Variants in SLC4A8 observed in about 807,000 individuals in gnomAD.
SLC4A8 encodes electroneutral sodium bicarbonate exchanger 1.
SLC4A8 carries 40 observed loss-of-function variants against 125.0 expected under a neutral mutation model. The observed-to-expected ratio is 0.32, with a 90% CI of 0.25 to 0.42. SLC4A8 has a LOEUF of 0.42. Ranked by LOEUF, SLC4A8 falls within the 10% of genes least tolerant of loss-of-function variation. The pLI, the probability that SLC4A8 is intolerant of heterozygous loss-of-function variation, is 1.00. For missense variants in SLC4A8, 863 were observed against 1,355.1 expected, an observed-to-expected ratio of 0.64 and a Z score of 5.70; for synonymous variants, 456 against 476.0, an observed-to-expected ratio of 0.96 and a Z score of 0.55.
intron 2 of SLC4A8, among the ~76,000 whole-genome samples, chr12:51,442,869 G>A (rs1371063935): frequency 6.6e-6 from 1 of 152,082 alleles, no homozygotes; most frequent in Admixed American, 6.6e-5. Flanking sequence ...GCTGTACTCA[G>A]GGTAGTGTTA....
chr12:51,471,575 C>T (rs756658884), intron 14 of SLC4A8, 43 bp downstream of exon 14: 1 of 1,591,272 alleles, frequency 6.3e-7, no homozygotes, highest in East Asian at 2.2e-5. Flanking sequence ...GAGCAAAGGG[C>T]CTGAGTTTAA....
At chr12:51,493,568 A>C in intron 19 of SLC4A8, 136 bp from the exon 20 acceptor site, 1 of 636,560 alleles carries the variant, frequency 1.6e-6, no homozygotes. Flanking sequence ...ACCCACAGGC[A>C]GCAGAAACTA....
At chr12:51,469,552 CT>C (rs1950629992) in intron 11 of SLC4A8, 61 bp from the exon 12 acceptor site, 1 of 1,438,630 alleles carries the variant, frequency 7.0e-7, no homozygotes, top group Non-Finnish European at 9.7e-7. Flanking sequence ...CAAATGTGTG[CT>C]GTTTACATGC....
chr12:51,430,583 A>G (rs4761813), intron 1 of SLC4A8, among the ~76,000 whole-genome samples: 140,683 of 151,936 alleles, frequency 0.93, 65,193 homozygotes, highest in Non-Finnish European at 0.95. Flanking sequence ...GATCTGCTAG[A>G]GAGCTTCAGT....
At chr12:51,392,481 G>C (rs965695230) in intron 1 of SLC4A8, among the ~76,000 whole-genome samples, 1 of 149,896 alleles carries the variant, frequency 6.7e-6, no homozygotes, top group African/African-American at 2.5e-5. Context: ...GCTGAGGCCG[G>C]AGAATCGCTT....
chr12:51,399,283 C>A (rs982943742), intron 1 of SLC4A8, among the ~76,000 whole-genome samples: 9 of 151,696 alleles, frequency 5.9e-5, no homozygotes, highest in African/African-American at 2.2e-4. Flanking sequence ...GTGCATATGG[C>A]AAAAAAAATC....
At chr12:51,400,966 C>G (rs879558032) in intron 1 of SLC4A8, among the ~76,000 whole-genome samples, 5 of 151,108 alleles carry the variant, frequency 3.3e-5, no homozygotes, top group Non-Finnish European at 7.4e-5. Context: ...GAAAGGTTCC[C>G]TTGTCCCCCT....
intron 23 of SLC4A8, among the ~76,000 whole-genome samples, chr12:51,504,544 T>C (rs1012888957): frequency 5.9e-5 from 9 of 152,234 alleles, no homozygotes; most frequent in African/African-American, 2.2e-4. Flanking sequence ...CAAACCCTGG[T>C]CGTCTTCTAT....
In SLC4A8 at chr12:51,488,976, A is replaced by G. The variant is rs2138394404; in HGVS notation, c.2448+116A>G. On this transcript the variant is annotated intron_variant, in intron 18 of 24. Coordinates refer to ENST00000453097, the MANE Select transcript of SLC4A8 (RefSeq NM_001039960.3). ...TAGAATCTCATAGAAGAGGTTCATA[A>G]GGGGTTTCCATTCTTTAATAACAAA... 6.8e-6 allele frequency: 5 copies of G among 735,142 alleles called. No individual in the cohort carries two copies. The South Asian group carries it at 1.0e-4, about 15-fold the overall frequency. The allele number at this position is 735,142 out of a possible 1,614,324, so 45.5% of individuals were successfully genotyped here.
intron 1 of SLC4A8, among the ~76,000 whole-genome samples, chr12:51,404,279 G>A (rs1379477829): frequency 6.6e-6 from 1 of 152,184 alleles, no homozygotes; most frequent in East Asian, 1.9e-4. Flanking sequence ...GGTTGACTAT[G>A]TACAAGGAGA....
chr12:51,477,432 TA>T (rs982299707), intron 16 of SLC4A8, among the ~76,000 whole-genome samples: 5 of 152,144 alleles, frequency 3.3e-5, no homozygotes, highest in African/African-American at 1.2e-4. Context: ...TTTCAAGGCA[TA>T]AAAAGGGCTG....
chr12:51,493,787 AGCC>A lies in SLC4A8; in HGVS notation c.2769+16_2769+18del, dbSNP rs748675960. 1 of 1,559,796 alleles carries A rather than the reference AGCC, an allele frequency of 6.4e-7. No homozygotes were observed. The highest frequency in any genetic ancestry group is 8.8e-7 in the Non-Finnish European group (1 of 1,130,260). On this transcript the variant is annotated intron_variant, in intron 20 of 24. Transcript: ENST00000453097. ...AGGGAATTCAGGTATTGTATGGTTC[AGCC>A]AGGGCAGTTTCTTCTCACTGCAAGT...
intron 4 of SLC4A8, among the ~76,000 whole-genome samples, chr12:51,453,316 T>C (rs1055617364): frequency 6.6e-6 from 1 of 152,248 alleles, no homozygotes; most frequent in Non-Finnish European, 1.5e-5. Flanking sequence ...ATTTGACTTT[T>C]AGAATTTTCT....
intron 22 of SLC4A8, among the ~76,000 whole-genome samples, chr12:51,500,850 C>CTTTTTTTTTTTTTTTTTTTTTTTTT: frequency 7.0e-6 from 1 of 142,662 alleles, no homozygotes. Context: ...CTGCGCCTGG[C>CTTTTTTTTTTTTTTTTTTTTTTTTT]TTTTTTTTTT....
rs1030421461 is a variant in SLC4A8 at position 51,444,764 on chromosome 12, CTGGGAAGTCATT to C, written c.130+3979_130+3990del. Among the ~76,000 whole-genome samples the C allele has an allele frequency of 5.3e-5, 8 of 152,276 alleles. 1 individual carries two copies. In the South Asian group the frequency reaches 1.2e-3, roughly 24 times the overall value. ...TGGACTAGCCATCATCTGGACAAGC[CTGGGAAGTCATT>C]TGGTCTGGCCTCCTTGTTTTACTTT... On this transcript the variant is annotated intron_variant, in intron 2 of 24. Coordinates refer to ENST00000453097, the MANE Select transcript of SLC4A8 (RefSeq NM_001039960.3).
chr12:51,483,551 C>T (rs1437109411), intron 16 of SLC4A8, among the ~76,000 whole-genome samples: 1 of 151,006 alleles, frequency 6.6e-6, no homozygotes, highest in African/African-American at 2.4e-5. Flanking sequence ...ATTTATTCAG[C>T]ATACTTCCTG....
In SLC4A8 at chr12:51,509,683, G is replaced by A. The variant is rs942512852; in HGVS notation, c.*2245G>A. On this transcript the variant is annotated 3_prime_UTR_variant, in exon 25 of 25. Transcript: ENST00000453097. ...CAGAAAAATGCCTCCCCTAACACAC[G>A]GATGTCTTGTGCTGCCTTGACCGCT... is the stretch of plus-strand genomic sequence containing the variant. The A allele has an allele frequency of 6.6e-6, 1 of 152,192 alleles. No homozygotes were observed. The highest frequency in any genetic ancestry group is 1.9e-4 in the East Asian group (1 of 5,194). The allele number at this position is 152,192 out of a possible 1,614,324, so 9.4% of individuals were successfully genotyped here. A position where few individuals can be genotyped will look rare whatever the true frequency, so the allele number is the denominator to read the frequency against.
chr12:51,403,163 G>A (rs1422296047), intron 1 of SLC4A8: 1 of 456,338 alleles, frequency 2.2e-6, no homozygotes, highest in African/African-American at 2.0e-5. Flanking sequence ...AATGCTCTAT[G>A]TTCAACAAGA....
chr12:51,509,561 G>C lies in SLC4A8; in HGVS notation c.*2123G>C, dbSNP rs931575666. On this transcript the variant is annotated 3_prime_UTR_variant, in exon 25 of 25. Coordinates refer to ENST00000453097, the MANE Select transcript of SLC4A8 (RefSeq NM_001039960.3). Reference sequence around the variant, plus strand: ...TATCTTGCCCCTCCCATCTTTTCCTGCCACCTCTGTGTGGGGAGGTTGATG... The same window carrying C: ...TATCTTGCCCCTCCCATCTTTTCCTCCCACCTCTGTGTGGGGAGGTTGATG... 7 of 151,986 alleles carry C rather than the reference G, an allele frequency of 4.6e-5. No homozygotes were observed. Among genetic ancestry groups the C allele is most frequent in the African/African-American group, 1.7e-4 (7 of 41,308 alleles). The allele number at this position is 151,986 out of a possible 1,614,324, so 9.4% of individuals were successfully genotyped here.
Sources: gnomAD v4.1 joint callset for allele counts (sites outside exome capture counted in the v4.1 genomes callset) on GRCh38, gnomAD v4.1.1 for gene constraint, MANE v1.5 for transcripts, NCBI Gene and HGNC (gene_info 2026-07-23, HGNC 2026-07-21) for gene names.